Variants in C8orf34 observed in about 807,000 individuals in gnomAD.
C8orf34 encodes chromosome 8 open reading frame 34.
Under a neutral mutation model 68.3 loss-of-function variants are expected in C8orf34, and 65 were observed. The observed-to-expected ratio is 0.95, with a 90% CI of 0.78 to 1.17. The LOEUF (loss-of-function observed/expected upper bound fraction) is 1.17. Among genes scored for constraint, C8orf34 ranks in the 50% most tolerant of loss-of-function variants. C8orf34 has a pLI of 0.00. For missense variants in C8orf34, 664 were observed against 655.4 expected (o/e 1.01, Z -0.14); for synonymous variants, 244 against 241.2 (o/e 1.01, Z -0.11).
intron 8 of C8orf34, among the ~76,000 whole-genome samples, chr8:68,643,905 T>C (rs565069458): frequency 6.6e-6 from 1 of 152,318 alleles, no homozygotes; most frequent in African/African-American, 2.4e-5. Context: ...TTCACAGTAG[T>C]AGCTTCCTCC....
chr8:68,776,331 C>T, intron 10 of C8orf34, 68 bp from the exon 11 acceptor site: 1 of 1,225,004 alleles, frequency 8.2e-7, no homozygotes, highest in Non-Finnish European at 1.2e-6. Flanking sequence ...TCCCACTCTC[C>T]ACGATTCTTT....
intron 12 of C8orf34, among the ~76,000 whole-genome samples, chr8:68,800,308 A>C (rs1352346044): frequency 1.3e-5 from 2 of 152,262 alleles, no homozygotes; most frequent in South Asian, 2.1e-4. Context: ...GTCCTATCTC[A>C]AAGAGTAAGC....
At chr8:68,611,747 G>A (rs1465381188) in intron 7 of C8orf34, among the ~76,000 whole-genome samples, 2 of 152,112 alleles carry the variant, frequency 1.3e-5, no homozygotes, top group Admixed American at 6.6e-5. Flanking sequence ...TGTTTATAGA[G>A]TTTAAATCTG....
At chr8:68,446,623 C>A in intron 3 of C8orf34, 163 bp downstream of exon 3, 1 of 657,670 alleles carries the variant, frequency 1.5e-6, no homozygotes, top group Non-Finnish European at 2.5e-6. Context: ...GATCTTCATT[C>A]ATACGTATGT....
intron 7 of C8orf34, among the ~76,000 whole-genome samples, chr8:68,606,899 A>G (rs539500797): frequency 6.6e-6 from 1 of 152,274 alleles, no homozygotes; most frequent in South Asian, 2.1e-4. Context: ...ACATGCAAAT[A>G]AACTAGTGAA....
intron 8 of C8orf34, among the ~76,000 whole-genome samples, chr8:68,682,276 A>T (rs1408576637): frequency 6.6e-6 from 1 of 152,164 alleles, no homozygotes; most frequent in African/African-American, 2.4e-5. Flanking sequence ...CATTTACCTG[A>T]TGTAATTATT....
chr8:68,743,076 C>T (rs1822351460), intron 10 of C8orf34, among the ~76,000 whole-genome samples: 1 of 152,148 alleles, frequency 6.6e-6, no homozygotes, highest in Non-Finnish European at 1.5e-5. Context: ...CCATTCACAG[C>T]CATGATTTCT....
chr8:68,435,104 A>G (rs1054341918), intron 1 of C8orf34, among the ~76,000 whole-genome samples: 1 of 150,258 alleles, frequency 6.7e-6, no homozygotes, highest in African/African-American at 2.4e-5. Flanking sequence ...ATATAAGCCC[A>G]ATAAAATATG....
chr8:68,623,963 A>T (rs1344233679), intron 7 of C8orf34, among the ~76,000 whole-genome samples: 1 of 152,100 alleles, frequency 6.6e-6, no homozygotes, highest in African/African-American at 2.4e-5. Flanking sequence ...TCAACAAATG[A>T]TATTTTTCCT....
At chr8:68,763,322 G>A (rs1823074316) in intron 10 of C8orf34, among the ~76,000 whole-genome samples, 1 of 152,052 alleles carries the variant, frequency 6.6e-6, no homozygotes, top group African/African-American at 2.4e-5. Flanking sequence ...CATTTTCCTT[G>A]ATAATGATGC....
chr8:68,660,008 A>C (rs527370761), intron 8 of C8orf34, among the ~76,000 whole-genome samples: 1 of 152,320 alleles, frequency 6.6e-6, no homozygotes, highest in East Asian at 1.9e-4. Flanking sequence ...GTAGCTTAAC[A>C]TAATAACCTT....
chr8:68,758,801 A>G (rs1343283671), intron 10 of C8orf34, among the ~76,000 whole-genome samples: 1 of 138,866 alleles, frequency 7.2e-6, no homozygotes, highest in Non-Finnish European at 1.5e-5. Context: ...TAAATAGTGT[A>G]TTATATCTAA....
At chr8:68,711,551 C>A (rs986007469) in intron 9 of C8orf34, among the ~76,000 whole-genome samples, 4 of 151,908 alleles carry the variant, frequency 2.6e-5, no homozygotes, top group Admixed American at 2.0e-4. Flanking sequence ...TCAAATTAAA[C>A]AAGCAGAAGA....
At chr8:68,369,071 A>G (rs1807440126) in intron 1 of C8orf34, among the ~76,000 whole-genome samples, 1 of 152,202 alleles carries the variant, frequency 6.6e-6, no homozygotes, top group Non-Finnish European at 1.5e-5. Context: ...GCTGTTATTC[A>G]TTATTTTCAA....
chr8:68,539,852 TAA>T (rs76169917), intron 7 of C8orf34, among the ~76,000 whole-genome samples: 2 of 141,370 alleles, frequency 1.4e-5, no homozygotes, highest in Non-Finnish European at 1.6e-5. Context: ...AAACTCCGTC[TAA>T]AAAAAAAAAA....
At chr8:68,722,883 A>T (rs1302376774) in intron 10 of C8orf34, among the ~76,000 whole-genome samples, 1 of 152,046 alleles carries the variant, frequency 6.6e-6, no homozygotes, top group African/African-American at 2.4e-5. Flanking sequence ...TAAAATGGTA[A>T]AATCTTAGAA....
At chr8:68,370,767 T>A (rs1207018596) in intron 1 of C8orf34, among the ~76,000 whole-genome samples, 2 of 152,192 alleles carry the variant, frequency 1.3e-5, no homozygotes, top group Non-Finnish European at 2.9e-5. Flanking sequence ...ACATGAAGAA[T>A]CTCTAACTTC....
At chr8:68,511,992 GT>G (rs1240800441) in intron 5 of C8orf34, among the ~76,000 whole-genome samples, 1 of 151,896 alleles carries the variant, frequency 6.6e-6, no homozygotes, top group Non-Finnish European at 1.5e-5. Flanking sequence ...TTTATGAAGT[GT>G]TTTTTTTCTT....
At chr8:68,375,348 T>C (rs1040156953) in intron 1 of C8orf34, among the ~76,000 whole-genome samples, 2 of 152,160 alleles carry the variant, frequency 1.3e-5, no homozygotes, top group African/African-American at 4.8e-5. Flanking sequence ...ATTTTACACA[T>C]AATAAAACAC....
Sources: gnomAD v4.1 joint callset for allele counts (sites outside exome capture counted in the v4.1 genomes callset) on GRCh38, gnomAD v4.1.1 for gene constraint, MANE v1.5 for transcripts, NCBI Gene and HGNC (gene_info 2026-07-23, HGNC 2026-07-21) for gene names.